TDRD3: variants seen among roughly 807,000 people sequenced by gnomAD.
The protein encoded by TDRD3 is tudor domain containing 3.
In TDRD3, 45 loss-of-function variants were observed where a neutral mutation model predicts 86.7. The ratio of observed to expected loss-of-function variants is 0.52; its 90% CI spans 0.41 to 0.67. The LOEUF is 0.67. TDRD3 is among the 30% of genes least tolerant of loss of function. The probability of loss-of-function intolerance (pLI) is 0.00; values close to 1 mark genes in which losing one functional copy is unlikely to be tolerated. For synonymous variants in TDRD3, 298 were observed against 301.7 expected (o/e 0.99, Z 0.13); for missense variants, 814 against 889.0 (o/e 0.92, Z 1.07).
intron 5 of TDRD3, among the ~76,000 whole-genome samples, chr13:60,477,424 A>C (rs1226781695): frequency 1.3e-5 from 2 of 152,018 alleles, no homozygotes; most frequent in Non-Finnish European, 2.9e-5. Flanking sequence ...TTTGTTGCCC[A>C]AGCTGGTCTC....
intron 3 of TDRD3, among the ~76,000 whole-genome samples, chr13:60,448,007 A>G (rs1272788479): frequency 1.3e-5 from 2 of 152,170 alleles, no homozygotes; most frequent in Non-Finnish European, 2.9e-5. Context: ...TCCAAGACAT[A>G]TCAGTAATCT....
At chr13:60,402,933 A>G (rs1239840751) in intron 1 of TDRD3, among the ~76,000 whole-genome samples, 1 of 152,150 alleles carries the variant, frequency 6.6e-6, no homozygotes, top group Admixed American at 6.5e-5. Flanking sequence ...TATTTCTTTA[A>G]TGAACATTTG....
intron 8 of TDRD3, among the ~76,000 whole-genome samples, chr13:60,497,444 G>A (rs952481152): frequency 2.0e-5 from 3 of 152,146 alleles, no homozygotes; most frequent in African/African-American, 7.2e-5. Flanking sequence ...TACCTGATTG[G>A]TCGGGTGTGA....
intron 3 of TDRD3, among the ~76,000 whole-genome samples, chr13:60,455,278 A>G (rs1955640574): frequency 6.6e-6 from 1 of 152,248 alleles, no homozygotes; most frequent in Admixed American, 6.5e-5. Context: ...CAGAGAAAGT[A>G]GGTAAAAAAG....
At chr13:60,479,054 G>A (rs1249195756) in intron 5 of TDRD3, among the ~76,000 whole-genome samples, 1 of 151,906 alleles carries the variant, frequency 6.6e-6, no homozygotes, top group Non-Finnish European at 1.5e-5. Context: ...TGATCTGACT[G>A]CCTTGGCCTC....
chr13:60,512,805 C>T (rs1056328533), intron 10 of TDRD3, among the ~76,000 whole-genome samples: 1 of 152,206 alleles, frequency 6.6e-6, no homozygotes, highest in Non-Finnish European at 1.5e-5. Context: ...TACAGCCTCC[C>T]TCCCAGCTGC....
At chr13:60,565,427 C>A (rs956178535) in intron 12 of TDRD3, among the ~76,000 whole-genome samples, 1 of 152,104 alleles carries the variant, frequency 6.6e-6, no homozygotes, top group South Asian at 2.1e-4. Flanking sequence ...TTATGAGTTA[C>A]GTGAAAGAAA....
intron 1 of TDRD3, among the ~76,000 whole-genome samples, chr13:60,432,571 T>C (rs942905451): frequency 6.6e-6 from 1 of 152,122 alleles, no homozygotes; most frequent in African/African-American, 2.4e-5. Flanking sequence ...TTTTGGCAGG[T>C]GTATTACAAT....
chr13:60,500,380 T>C (rs1378458864), intron 8 of TDRD3, among the ~76,000 whole-genome samples: 5 of 152,196 alleles, frequency 3.3e-5, no homozygotes, highest in Non-Finnish European at 7.3e-5. Flanking sequence ...TCTCCAATCC[T>C]GCCACCCTGC....
chr13:60,450,447 G>T (rs1318304108), intron 3 of TDRD3, among the ~76,000 whole-genome samples: 1 of 152,060 alleles, frequency 6.6e-6, no homozygotes, highest in Non-Finnish European at 1.5e-5. Flanking sequence ...GCCTCTTACT[G>T]ACTGAGTGAC....
Position 60,417,021 on chromosome 13 carries a change from T to C in TDRD3, c.41+19616T>C, listed in dbSNP as rs371349241. 4.4e-4 allele frequency among the ~76,000 whole-genome samples: 65 copies of C among 146,320 alleles called. No homozygotes were observed. The East Asian group carries it at 7.5e-3, about 17-fold the overall frequency. The stretch of plus-strand genomic sequence containing the variant: ...TTAACTGATCAGTCTCTCTCTCTCT[T>C]TTTTTTTTTTTTTGAGTCCAGGTCT... On this transcript the variant is annotated intron_variant, in intron 1 of 13. Coordinates refer to ENST00000377881, the MANE Select transcript of TDRD3 (RefSeq NM_001146070.2).
At chr13:60,508,327 AAG>A (rs1484683565) in intron 8 of TDRD3, among the ~76,000 whole-genome samples, 1 of 152,190 alleles carries the variant, frequency 6.6e-6, no homozygotes, top group African/African-American at 2.4e-5. Flanking sequence ...CCTAAGCAAA[AAG>A]AACAAAGCTG....
chr13:60,510,716 G>T lies in TDRD3; in HGVS notation c.1102G>T (p.Asp368Tyr). The T allele has an allele frequency of 6.3e-7, 1 of 1,591,000 alleles. No homozygotes were observed. Among genetic ancestry groups the T allele is most frequent in the South Asian group, 1.2e-5 (1 of 85,436 alleles). Residue 368 changes from aspartate (D) to tyrosine (Y), a missense_variant, in exon 10 of 14, where the codon GAT becomes TAT. By Grantham distance (160) the Asp-to-Tyr change is radical. Transcript: ENST00000377881. ...GCCATCAGCACCAAGCACATTATTT[G>T]ATTTCTTGGAATCTAAAATGGGAAC... ...ARPSAPSTLF[D>Y]FLESKMGTLN...
At chr13:60,397,475 G>T in intron 1 of TDRD3, 70 bp downstream of exon 1, 2 of 1,338,552 alleles carry the variant, frequency 1.5e-6, no homozygotes, top group Non-Finnish European at 2.0e-6. Context: ...TTGGGTTGGG[G>T]GCGGCGGGGT....
At chr13:60,501,926 C>G (rs917113693) in intron 8 of TDRD3, among the ~76,000 whole-genome samples, 5 of 152,110 alleles carry the variant, frequency 3.3e-5, no homozygotes, top group Non-Finnish European at 5.9e-5. Context: ...TTCCTGCTAT[C>G]AGGATAATAA....
At chr13:60,544,740 T>C (rs1210955245) in intron 12 of TDRD3, among the ~76,000 whole-genome samples, 4 of 152,172 alleles carry the variant, frequency 2.6e-5, no homozygotes, top group East Asian at 3.8e-4. Flanking sequence ...CTGATACCAG[T>C]TGATAAATCA....
chr13:60,487,024 C>T (rs904235166), intron 7 of TDRD3, among the ~76,000 whole-genome samples: 1 of 151,796 alleles, frequency 6.6e-6, no homozygotes, highest in Non-Finnish European at 1.5e-5. Context: ...ACTATGGATT[C>T]AACCAACAGT....
intron 8 of TDRD3, among the ~76,000 whole-genome samples, chr13:60,501,391 C>A (rs1032614536): frequency 6.6e-6 from 1 of 152,128 alleles, no homozygotes; most frequent in South Asian, 2.1e-4. Flanking sequence ...TCAGCCATTC[C>A]GATGGGTTGT....
At chr13:60,435,918 G>GTTTTTTTTTTTTTT (rs767705603) in intron 1 of TDRD3, among the ~76,000 whole-genome samples, 3 of 124,792 alleles carry the variant, frequency 2.4e-5, no homozygotes, top group Non-Finnish European at 5.4e-5. Context: ...AACATCTATG[G>GTTTTTTTTTTTTTT]TTTTTTTTTT....
Sources: gnomAD v4.1 joint callset for allele counts (sites outside exome capture counted in the v4.1 genomes callset) on GRCh38, gnomAD v4.1.1 for gene constraint, MANE v1.5 for transcripts, NCBI Gene and HGNC (gene_info 2026-07-23, HGNC 2026-07-21) for gene names.